Variants in PRDM16 observed in about 807,000 individuals in gnomAD.
PRDM16 encodes the protein histone-lysine N-methyltransferase PRDM16.
Under a neutral mutation model 110.6 loss-of-function variants are expected in PRDM16, and 23 were observed. That is an observed-to-expected ratio of 0.21 (90% CI 0.15 to 0.29). PRDM16 has a LOEUF of 0.29. Among genes scored for constraint, PRDM16 ranks in the 10% least tolerant of loss-of-function variants. PRDM16 has a pLI of 1.00. For missense variants in PRDM16, 1,615 were observed against 1,794.3 expected (o/e 0.90, Z 1.81); for synonymous variants, 799 against 781.8 (o/e 1.02, Z -0.37).
At chr1:3,181,756 G>GGA (rs145463364) in intron 1 of PRDM16, among the ~76,000 whole-genome samples, 1,204 of 60,330 alleles carry the variant, frequency 0.02, no homozygotes, top group Middle Eastern at 0.045. Context: ...TCTTACACAC[G>GGA]GTCTTACACA....
chr1:3,372,512 T>A (rs1188509000), intron 3 of PRDM16, among the ~76,000 whole-genome samples: 1 of 152,228 alleles, frequency 6.6e-6, no homozygotes, highest in Non-Finnish European at 1.5e-5. Context: ...GTGGGCGACC[T>A]GGGCTCCCGC....
Position 3,290,365 on chromosome 1 carries a change from C to A in PRDM16, c.438+46228C>A, listed in dbSNP as rs965776447. 6.6e-6 allele frequency among the ~76,000 whole-genome samples: 1 copy of A among 152,190 alleles called. No homozygotes were observed. Among genetic ancestry groups the A allele is most frequent in the Non-Finnish European group, 1.5e-5 (1 of 68,028 alleles). Reference sequence around the variant, plus strand: ...CTGGAAGAGGAGAGCCTCTCAGTATCCCCACCTTATAGATGAGGAGGCACA... The same window carrying A: ...CTGGAAGAGGAGAGCCTCTCAGTATACCCACCTTATAGATGAGGAGGCACA... On this transcript the variant is annotated intron_variant, in intron 3 of 16. Coordinates refer to ENST00000270722, the MANE Select transcript of PRDM16 (RefSeq NM_022114.4). This position sits in a 1 kb window ranked among gnomAD's most constrained non-coding sequence, Gnocchi z 4.8.
intron 3 of PRDM16, among the ~76,000 whole-genome samples, chr1:3,379,180 C>A (rs116514884): frequency 0.018 from 1,761 of 99,104 alleles, 99 homozygotes; most frequent in African/African-American, 0.074. Context: ...CCCAAAACAC[C>A]CCTCCCAACA....
chr1:3,411,871 GGTCTCCGCC>G lies in PRDM16; in HGVS notation c.1678_1686del (p.Ala561_Ser563del). 1 of 1,612,478 alleles carries G rather than the reference GGTCTCCGCC, an allele frequency of 6.2e-7. No individual in the cohort carries two copies. The highest frequency in any genetic ancestry group is 8.5e-7 in the Non-Finnish European group (1 of 1,179,138). On this transcript the variant is annotated inframe_deletion, in exon 9 of 17. Coordinates refer to ENST00000270722, the MANE Select transcript of PRDM16 (RefSeq NM_022114.4). ...CCCTGGGGAACCCAGCCCTGCCCCT[GGTCTCCGCC>G]GTCAGCAACAGCAGCCAGGGCACGA...
rs1405486819 is a variant in PRDM16 at position 3,433,828 on chromosome 1, G to A, written c.*17G>A. ...CACCTCTGACGGGCTGGGCAGCCGG[G>A]GGCCGGTGGCCAGAGCGAGGGCACC... is the stretch of plus-strand genomic sequence containing the variant. On this transcript the variant is annotated 3_prime_UTR_variant, in exon 17 of 17. Transcript: ENST00000270722. 1.2e-6 allele frequency: 2 copies of A among 1,611,600 alleles called. No homozygotes were observed. Among genetic ancestry groups the A allele is most frequent in the Admixed American group, 3.3e-5 (2 of 60,010 alleles).
At chr1:3,267,870 C>T (rs753219823) in intron 3 of PRDM16, among the ~76,000 whole-genome samples, 14 of 152,224 alleles carry the variant, frequency 9.2e-5, no homozygotes, top group East Asian at 1.9e-4. Context: ...AGGTCCATGA[C>T]GTGGATCCTA....
intron 2 of PRDM16, among the ~76,000 whole-genome samples, chr1:3,195,286 G>A (rs191973563): frequency 3.9e-5 from 6 of 152,298 alleles, no homozygotes; most frequent in South Asian, 2.1e-4. Flanking sequence ...AGCCCTAGAC[G>A]TTTTTAGCCC....
At chr1:3,194,716 C>T (rs543891892) in intron 2 of PRDM16, among the ~76,000 whole-genome samples, 6 of 151,640 alleles carry the variant, frequency 4.0e-5, no homozygotes, top group African/African-American at 1.2e-4. Flanking sequence ...CACACGCCAC[C>T]GTCTCCCCGC....
At chr1:3,075,147 C>A (rs1301234870) in intron 1 of PRDM16, among the ~76,000 whole-genome samples, 1 of 152,236 alleles carries the variant, frequency 6.6e-6, no homozygotes, top group African/African-American at 2.4e-5. Flanking sequence ...TGCCCCGAGG[C>A]CTGAAGATAG....
rs552711811 is a variant in PRDM16 at position 3,368,274 on chromosome 1, G to A, written c.439-16878G>A. Among the ~76,000 whole-genome samples, 361 of 152,292 alleles carry A rather than the reference G, an allele frequency of 2.4e-3. 2 individuals are homozygous for A. The highest frequency in any genetic ancestry group is 8.1e-3 in the African/African-American group (338 of 41,542). On this transcript the variant is annotated intron_variant, in intron 3 of 16. Coordinates refer to ENST00000270722, the MANE Select transcript of PRDM16 (RefSeq NM_022114.4). ...TGGCGGACTTCCCAGCTCAGGAGCC[G>A]CAACACGGGCCAGGCTCCGACACCT...
chr1:3,077,413 C>T (rs1192671097), intron 1 of PRDM16, among the ~76,000 whole-genome samples: 1 of 152,194 alleles, frequency 6.6e-6, no homozygotes, highest in Admixed American at 6.5e-5. Context: ...CTTTGTGAAA[C>T]CAGGTAAAGG....
At chr1:3,194,620 ACCACACGCCACCGTCTCCCCG>A (rs1371218989) in intron 2 of PRDM16, among the ~76,000 whole-genome samples, 340 of 118,050 alleles carry the variant, frequency 2.9e-3, no homozygotes, top group Middle Eastern at 9.0e-3. Context: ...CCGTCTCCCC[ACCACACGCCACCGTCTCCCCG>A]CCACACGCCA....
chr1:3,115,791 G>T (rs1279117077), intron 1 of PRDM16, among the ~76,000 whole-genome samples: 1 of 152,226 alleles, frequency 6.6e-6, no homozygotes, highest in Non-Finnish European at 1.5e-5. Context: ...CGGGCCGCTG[G>T]TGCCCAATGC....
intron 6 of PRDM16, among the ~76,000 whole-genome samples, chr1:3,404,374 G>T (rs537424774): frequency 6.6e-6 from 1 of 152,376 alleles, no homozygotes; most frequent in East Asian, 1.9e-4. Flanking sequence ...GTTCATGCCA[G>T]TGTTGAACCC....
chr1:3,330,161 T>C (rs568237767), intron 3 of PRDM16, among the ~76,000 whole-genome samples: 2 of 152,174 alleles, frequency 1.3e-5, no homozygotes, highest in Admixed American at 6.5e-5. Context: ...AATGGTGGAG[T>C]TTAACTCTCG....
intron 3 of PRDM16, among the ~76,000 whole-genome samples, chr1:3,354,967 G>A (rs1008164939): frequency 1.3e-5 from 2 of 152,188 alleles, no homozygotes; most frequent in African/African-American, 2.4e-5. Context: ...TCCAGAGCTT[G>A]GGGGAGGCGG....
At chr1:3,164,144 T>C (rs1458250255) in intron 1 of PRDM16, among the ~76,000 whole-genome samples, 2 of 152,252 alleles carry the variant, frequency 1.3e-5, no homozygotes, top group East Asian at 3.8e-4. Flanking sequence ...CTTCATGAAT[T>C]ACACACCATG....
At chr1:3,183,922 G>C (rs541039151) in intron 1 of PRDM16, among the ~76,000 whole-genome samples, 1 of 152,228 alleles carries the variant, frequency 6.6e-6, no homozygotes, top group South Asian at 2.1e-4. Flanking sequence ...AGGGGGCTTC[G>C]GCCTCCAACC....
In PRDM16 at chr1:3,432,056, A is replaced by G. The variant is rs759595732; in HGVS notation, c.3612A>G (p.Glu1204=). Residue 1204 remains glutamate, a synonymous_variant, in exon 16 of 17, where the codon GAA becomes GAG. Coordinates refer to ENST00000270722, the MANE Select transcript of PRDM16 (RefSeq NM_022114.4). ...TGGACCTCCGCAGAGCAGCTGAGGA[A>G]GCATTTGAAGTTAAAGATGTGCTTA... ...KGLDLRRAAE[E]AFEVKDVLNS... 7 of 1,614,078 alleles carry G rather than the reference A, an allele frequency of 4.3e-6. No individual in the cohort carries two copies. In the Admixed American group the frequency reaches 1.2e-4, roughly 27 times the overall value.
Sources: gnomAD v4.1 joint callset for allele counts (sites outside exome capture counted in the v4.1 genomes callset) on GRCh38, gnomAD v4.1.1 for gene constraint, Gnocchi (gnomAD v3.1) non-coding constraint, MANE v1.5 for transcripts, NCBI Gene and HGNC (gene_info 2026-07-23, HGNC 2026-07-21) for gene names.